The following CATSPERE variants were observed in gnomAD, a reference collection of about 807,000 sequenced individuals.
The protein encoded by CATSPERE is catsper channel auxiliary subunit epsilon, also known as cation channel sperm-associated auxiliary subunit epsilon.
Under a neutral mutation model 114.1 loss-of-function variants are expected in CATSPERE, and 93 were observed. The ratio of observed to expected loss-of-function variants is 0.81; its 90% CI spans 0.69 to 0.97. The LOEUF (loss-of-function observed/expected upper bound fraction) is 0.97, where lower values mean the gene tolerates loss of function less well. CATSPERE is among the 50% of genes least tolerant of loss of function. The pLI, the probability that CATSPERE is intolerant of heterozygous loss-of-function variation, is 0.00. For synonymous variants in CATSPERE, 341 were observed against 384.1 expected, an observed-to-expected ratio of 0.89 and a Z score of 1.31; for missense variants, 1,058 against 1,131.6, an observed-to-expected ratio of 0.93 and a Z score of 0.93.
chr1:244,476,546 A>C (rs1027624403), intron 2 of CATSPERE, among the ~76,000 whole-genome samples: 1 of 152,122 alleles, frequency 6.6e-6, no homozygotes, highest in African/African-American at 2.4e-5. Flanking sequence ...CTTATACACT[A>C]TCCTATAATA....
chr1:244,461,253 C>T, upstream of CATSPERE: 1 of 460,896 alleles, frequency 2.2e-6, no homozygotes, highest in South Asian at 1.2e-4. Flanking sequence ...GCCCAGGTAG[C>T]GGCGCGCACG....
intron 5 of CATSPERE, among the ~76,000 whole-genome samples, chr1:244,488,483 C>T (rs1671431038): frequency 6.6e-6 from 1 of 152,180 alleles, no homozygotes; most frequent in Non-Finnish European, 1.5e-5. Context: ...TGTGCACTAA[C>T]TCAAGAAAGC....
At chr1:244,602,009 G>A (rs1156517391) in intron 17 of CATSPERE, among the ~76,000 whole-genome samples, 1 of 151,764 alleles carries the variant, frequency 6.6e-6, no homozygotes, top group Non-Finnish European at 1.5e-5. Context: ...AGGGGAAGGG[G>A]AAGGAAGGAG....
In CATSPERE at chr1:244,510,450, C is replaced by T. The variant is rs575994093; in HGVS notation, c.430-8142C>T. Among the ~76,000 whole-genome samples, 7 of 152,274 alleles carry T rather than the reference C, an allele frequency of 4.6e-5. 1 individual carries two copies. The South Asian group carries it at 1.5e-3, about 32-fold the overall frequency. The stretch of plus-strand genomic sequence containing the variant: ...CTCTTGTTTTTGACATCTAATTTTA[C>T]TCCACTGTGGTCAGAGAAGACACTT... On this transcript the variant is annotated intron_variant, in intron 7 of 21. Coordinates refer to ENST00000366534, the MANE Select transcript of CATSPERE (RefSeq NM_001130957.2).
In CATSPERE at chr1:244,506,148, C is replaced by T. The variant is rs186391414; in HGVS notation, c.429+7069C>T. Among the ~76,000 whole-genome samples, 638 of 152,260 alleles carry T rather than the reference C, an allele frequency of 4.2e-3. 5 individuals carry two copies. The highest frequency in any genetic ancestry group is 0.014 in the African/African-American group (596 of 41,554). ...AAATGGAATCATACAATATTTTTGA[C>T]CTTTTGTAACTTAGTTCACTTAGCA... On this transcript the variant is annotated intron_variant, in intron 7 of 21. Transcript: ENST00000366534.
chr1:244,623,296 TCA>T (rs1196272227), intron 20 of CATSPERE, among the ~76,000 whole-genome samples: 2 of 152,148 alleles, frequency 1.3e-5, no homozygotes, highest in Non-Finnish European at 2.9e-5. Flanking sequence ...CAGGCTGGTC[TCA>T]AACTGCTGAC....
At chr1:244,570,170 A>G (rs1296388339) in intron 10 of CATSPERE, among the ~76,000 whole-genome samples, 3 of 152,162 alleles carry the variant, frequency 2.0e-5, no homozygotes, top group Admixed American at 1.3e-4. Flanking sequence ...AGTCAATTTC[A>G]GAAGTTCTTG....
intron 5 of CATSPERE, 80 bp from the exon 6 acceptor site, chr1:244,490,367 C>T: frequency 1.1e-6 from 1 of 930,032 alleles, no homozygotes; most frequent in South Asian, 1.5e-5. Flanking sequence ...GGTTTAGAAA[C>T]ATGTATCTTG....
chr1:244,472,364 C>G (rs766385360), intron 2 of CATSPERE, among the ~76,000 whole-genome samples: 10 of 152,170 alleles, frequency 6.6e-5, no homozygotes, highest in Non-Finnish European at 1.3e-4. Context: ...TGAATTCTAC[C>G]TTATCTAATA....
intron 18 of CATSPERE, among the ~76,000 whole-genome samples, chr1:244,610,008 G>A (rs569740219): frequency 1.3e-5 from 2 of 152,290 alleles, no homozygotes; most frequent in African/African-American, 4.8e-5. Flanking sequence ...GATCTTCCCT[G>A]CACTGCAGCC....
chr1:244,631,289 T>TAA (rs11386222), intron 20 of CATSPERE, among the ~76,000 whole-genome samples: 36 of 151,452 alleles, frequency 2.4e-4, no homozygotes, highest in South Asian at 8.3e-4. Context: ...ATCTCTAAAA[T>TAA]AAAAAAAAGG....
chr1:244,465,735 G>A (rs1158403615), intron 2 of CATSPERE, among the ~76,000 whole-genome samples: 2 of 152,148 alleles, frequency 1.3e-5, no homozygotes, highest in African/African-American at 4.8e-5. Context: ...TTTAGAATAA[G>A]GCTGTTAGTT....
At chr1:244,589,697 G>A (rs1369651138) in intron 14 of CATSPERE, among the ~76,000 whole-genome samples, 1 of 152,156 alleles carries the variant, frequency 6.6e-6, no homozygotes, top group Non-Finnish European at 1.5e-5. Context: ...ACCAAAATCA[G>A]TTCCCAGTAC....
intron 17 of CATSPERE, among the ~76,000 whole-genome samples, chr1:244,593,901 C>T (rs1468120963): frequency 6.6e-6 from 1 of 152,158 alleles, no homozygotes; most frequent in African/African-American, 2.4e-5. Flanking sequence ...GAACTACCTT[C>T]CCCAGGTGAT....
At chr1:244,461,995 T>C (rs75236101) in intron 1 of CATSPERE, among the ~76,000 whole-genome samples, 10 of 151,846 alleles carry the variant, frequency 6.6e-5, no homozygotes, top group Non-Finnish European at 1.5e-4. Flanking sequence ...AAAAAAAAAA[T>C]TGGTAGAGAC....
intron 9 of CATSPERE, among the ~76,000 whole-genome samples, chr1:244,558,760 C>T (rs1375924757): frequency 6.6e-6 from 1 of 152,102 alleles, no homozygotes; most frequent in African/African-American, 2.4e-5. Context: ...CCACTCTGCA[C>T]TCCCCTCTCC....
chr1:244,539,497 T>C (rs1366471381), intron 8 of CATSPERE, among the ~76,000 whole-genome samples: 5 of 114,564 alleles, frequency 4.4e-5, no homozygotes, highest in African/African-American at 1.5e-4. Context: ...TAAAGTGAGT[T>C]AGGGAGGATT....
At chr1:244,487,382 G>T (rs1000764091) in intron 5 of CATSPERE, among the ~76,000 whole-genome samples, 12 of 152,100 alleles carry the variant, frequency 7.9e-5, no homozygotes, top group African/African-American at 2.2e-4. Context: ...CAGTGGAGGG[G>T]TCTGAGGTAG....
At chr1:244,555,775 A>G (rs1028391499) in intron 9 of CATSPERE, among the ~76,000 whole-genome samples, 2 of 152,222 alleles carry the variant, frequency 1.3e-5, no homozygotes, top group African/African-American at 2.4e-5. Context: ...CAGCATTTCT[A>G]TACACTAATA....
Sources: allele counts gnomAD v4.1 joint callset (sites outside exome capture counted in the v4.1 genomes callset), GRCh38; gene constraint gnomAD v4.1.1; transcripts MANE v1.5; gene names NCBI Gene and HGNC (gene_info 2026-07-23, HGNC 2026-07-21).